Variants in PCTP observed in about 807,000 individuals in gnomAD.
PCTP encodes phosphatidylcholine transfer protein.
In PCTP, 27 loss-of-function variants were observed where a neutral mutation model predicts 31.0. That is an observed-to-expected ratio of 0.87 (90% CI 0.64 to 1.20). PCTP has a LOEUF of 1.20. Ranked by LOEUF, PCTP falls within the 50% of genes most tolerant of loss-of-function variation. PCTP has a pLI of 0.00. For synonymous variants in PCTP, 108 were observed against 101.2 expected (o/e 1.07, Z -0.40); for missense variants, 287 against 268.2 (o/e 1.07, Z -0.49).
At chr17:55,815,133 GCACAAA>G (rs2145052769) in intron 3 of PCTP, among the ~76,000 whole-genome samples, 1 of 152,222 alleles carries the variant, frequency 6.6e-6, no homozygotes, top group African/African-American at 2.4e-5. Flanking sequence ...TCAATGTTAT[GCACAAA>G]AGCAATTTAC....
downstream of PCTP, among the ~76,000 whole-genome samples, chr17:55,779,367 T>C (rs1249041379): frequency 6.6e-6 from 1 of 152,130 alleles, no homozygotes; most frequent in East Asian, 1.9e-4. Context: ...GGAGAACATG[T>C]TGGAATTGTG....
chr17:55,774,031 G>A (rs1597988257), intron 4 of PCTP, 136 bp downstream of exon 4: 1 of 1,038,138 alleles, frequency 9.6e-7, no homozygotes, highest in Non-Finnish European at 1.4e-6. Context: ...GAGCAAACCA[G>A]GATCAGCACC....
rs1911349848 is a variant in PCTP at position 55,776,705 on chromosome 17, C to T, written c.*605C>T. On this transcript the variant is annotated 3_prime_UTR_variant, in exon 6 of 6. Transcript: ENST00000268896. ...TCCAGTAAGTCTTTCCTCGTTCCTA[C>T]TTGTGGAGGATCAGTAGCTGTTATG... The T allele has an allele frequency of 2.5e-6, 3 of 1,209,480 alleles. No homozygotes were observed. Among genetic ancestry groups the T allele is most frequent in the African/African-American group, 1.6e-5 (1 of 64,076 alleles). The allele number at this position is 1,209,480 out of a possible 1,614,324, so 74.9% of individuals were successfully genotyped here.
chr17:55,825,026 T>C (rs1362849288), downstream of PCTP, among the ~76,000 whole-genome samples: 1 of 152,200 alleles, frequency 6.6e-6, no homozygotes, highest in Non-Finnish European at 1.5e-5. Context: ...ACTAAATGGC[T>C]CTTACGTTAA....
intron 1 of PCTP, among the ~76,000 whole-genome samples, chr17:55,762,536 G>C (rs373874444): frequency 6.6e-6 from 1 of 151,960 alleles, no homozygotes; most frequent in Non-Finnish European, 1.5e-5. Context: ...ATGTCAATTA[G>C]GATTGTTTTT....
downstream of PCTP, among the ~76,000 whole-genome samples, chr17:55,845,685 C>T (rs532006108): frequency 2.8e-3 from 434 of 152,284 alleles, no homozygotes; most frequent in African/African-American, 0.01. Flanking sequence ...ATTTCAGCTC[C>T]GCGCGGCGGG....
intron 3 of PCTP, among the ~76,000 whole-genome samples, chr17:55,806,618 A>C (rs978396547): frequency 6.6e-6 from 1 of 152,140 alleles, no homozygotes; most frequent in African/African-American, 2.4e-5. Context: ...AATTCTCTCA[A>C]GTTTCAAGTG....
At chr17:55,777,476 TTAAACA>T (rs1202033673), downstream of PCTP, 1 of 863,906 alleles carries the variant, frequency 1.2e-6, no homozygotes, top group African/African-American at 1.8e-5. Context: ...ATTTGTAGAC[TTAAACA>T]TAAAACATAA....
At chr17:55,804,619 A>G (rs1912518491) in intron 3 of PCTP, among the ~76,000 whole-genome samples, 1 of 152,184 alleles carries the variant, frequency 6.6e-6, no homozygotes, top group Non-Finnish European at 1.5e-5. Flanking sequence ...AAGAACAGAA[A>G]ACCAAGCACC....
intron 3 of PCTP, among the ~76,000 whole-genome samples, chr17:55,789,101 A>C (rs1229386308): frequency 1.3e-5 from 2 of 152,208 alleles, no homozygotes; most frequent in Non-Finnish European, 2.9e-5. Context: ...TGTTGTGAAA[A>C]TTAAGTAAAA....
chr17:55,752,943 A>G (rs1294190095), intron 1 of PCTP, among the ~76,000 whole-genome samples: 1 of 152,196 alleles, frequency 6.6e-6, no homozygotes, highest in African/African-American at 2.4e-5. Context: ...AGGCCTTGCT[A>G]TGTTGCCCAG....
chr17:55,787,959 C>T (rs1215564159), intron 3 of PCTP, among the ~76,000 whole-genome samples: 1 of 152,144 alleles, frequency 6.6e-6, no homozygotes, highest in Non-Finnish European at 1.5e-5. Context: ...TTGAGAGGGA[C>T]ACTCAGAGTA....
At chr17:55,792,301 TATA>T (rs1912022141) in intron 3 of PCTP, among the ~76,000 whole-genome samples, 1 of 144,906 alleles carries the variant, frequency 6.9e-6, no homozygotes, top group African/African-American at 2.7e-5. Flanking sequence ...AAACTTAAAG[TATA>T]ATAATAATAA....
chr17:55,769,720 A>G (rs1042861815), intron 2 of PCTP: 2 of 152,184 alleles, frequency 1.3e-5, no homozygotes, highest in Non-Finnish European at 2.9e-5. Context: ...AGAGTGACTA[A>G]CTACGACTCT....
chr17:55,818,762 A>C lies in PCTP; in HGVS notation c.318-3999A>C, dbSNP rs542421621. ...TGGAAAGAGGTAGAAAAGAGATCCG[A>C]ACCATGAAGAAGAGTGACAGGAAGC... On this transcript the variant is annotated intron_variant, in intron 3 of 3. Transcript: ENST00000572536. 3.3e-5 allele frequency among the ~76,000 whole-genome samples: 5 copies of C among 152,314 alleles called. No individual in the cohort carries two copies. In the East Asian group the frequency reaches 9.6e-4, roughly 29 times the overall value.
intron 5 of PCTP, among the ~76,000 whole-genome samples, chr17:55,837,771 C>A (rs954123828): frequency 4.6e-5 from 7 of 152,116 alleles, no homozygotes; most frequent in Non-Finnish European, 1.0e-4. Flanking sequence ...GGGTCGACTT[C>A]TTCCTCATTC....
chr17:55,792,332 A>G (rs1912025244), intron 3 of PCTP, among the ~76,000 whole-genome samples: 1 of 150,448 alleles, frequency 6.6e-6, no homozygotes, highest in South Asian at 2.1e-4. Flanking sequence ...AAAGAAAAAA[A>G]AAAGAAAAAA....
At chr17:55,782,077 A>G (rs1190980332), downstream of PCTP, among the ~76,000 whole-genome samples, 1 of 152,244 alleles carries the variant, frequency 6.6e-6, no homozygotes, top group Non-Finnish European at 1.5e-5. Flanking sequence ...GGAAAGTCAA[A>G]TAAATTATGT....
In PCTP at chr17:55,773,785, T is replaced by A. The variant is rs369313255; in HGVS notation, c.401T>A (p.Leu134Gln). ...GAAGGGAGGAAGATCCATGTGATCC[T>A]GGCCCGGAGCACCTCCATGCCTCAG... ...DMEGRKIHVI[L>Q]ARSTSMPQLG... Residue 134 changes from leucine to glutamine, a missense_variant, in exon 4 of 6, where the codon CTG (leucine) becomes CAG (glutamine). Coordinates refer to ENST00000268896, the MANE Select transcript of PCTP (RefSeq NM_021213.4). 6.2e-7 allele frequency: 1 copy of A among 1,613,918 alleles called. No homozygotes were observed. Among genetic ancestry groups the A allele is most frequent in the Non-Finnish European group, 8.5e-7 (1 of 1,179,968 alleles).
Sources: allele counts gnomAD v4.1 joint callset (sites outside exome capture counted in the v4.1 genomes callset), GRCh38; gene constraint gnomAD v4.1.1; transcripts MANE v1.5; gene names NCBI Gene and HGNC (gene_info 2026-07-23, HGNC 2026-07-21).